CCDC85C: variants seen among roughly 807,000 people sequenced by gnomAD.
CCDC85C encodes coiled-coil domain-containing protein 85C.
A neutral mutation model predicts 38.3 loss-of-function variants in CCDC85C; 18 were observed. The ratio of observed to expected loss-of-function variants is 0.47; its 90% CI spans 0.33 to 0.70. The LOEUF (loss-of-function observed/expected upper bound fraction) is 0.70. Ranked by LOEUF, CCDC85C falls within the 30% of genes least tolerant of loss-of-function variation. The pLI, the probability that CCDC85C is intolerant of heterozygous loss-of-function variation, is 0.03. For synonymous variants in CCDC85C, 264 were observed against 293.8 expected, an observed-to-expected ratio of 0.90 and a Z score of 1.04; for missense variants, 566 against 621.2, an observed-to-expected ratio of 0.91 and a Z score of 0.94.
chr14:99,603,538 T>G lies in CCDC85C; in HGVS notation c.422A>C (p.Asn141Thr). 1 of 1,383,074 alleles carries G rather than the reference T, an allele frequency of 7.2e-7. No individual in the cohort carries two copies. The highest frequency in any genetic ancestry group is 9.3e-7 in the Non-Finnish European group (1 of 1,074,970). The allele number at this position is 1,383,074 out of a possible 1,614,324, so 85.7% of individuals were successfully genotyped here. ...CAGCACCAGCTCCTTGAGCTCCAGG[T>G]TCTCGCGCAGCAGGGCCTCCTGGCG... Reference protein sequence around the residue: ...EARQEALLRENLELKELVLLL... With the variant: ...EARQEALLRETLELKELVLLL... The change falls in exon 1 of 6, where the codon AAC (asparagine) becomes ACC (threonine). Residue 141 changes from asparagine to threonine, a missense_variant. Physicochemically the swap from Asn to Thr is moderately conservative, Grantham distance 65. Transcript: ENST00000380243. The surrounding 1 kb of genome is among the most constrained non-coding windows in gnomAD (Gnocchi z 7.5).
intron 3 of CCDC85C, 150 bp from the exon 4 acceptor site, chr14:99,517,333 T>C: frequency 1.5e-6 from 1 of 646,758 alleles, no homozygotes; most frequent in Non-Finnish European, 2.6e-6. Context: ...GGTGTGAGGA[T>C]GGAGACCCAA....
In CCDC85C at chr14:99,516,207, A is replaced by G; in HGVS notation, c.1151T>C (p.Ile384Thr). The G allele has an allele frequency of 1.9e-6, 3 of 1,551,224 alleles. No individual in the cohort carries two copies. Among genetic ancestry groups the G allele is most frequent in the Non-Finnish European group, 2.6e-6 (3 of 1,146,910 alleles). ...CCTCACGTTGCACATCTCGCGAACGATGGCCTTCTCCTTCTCACTCAGGTC... is the reference window on the plus strand; with the variant it reads ...CCTCACGTTGCACATCTCGCGAACGGTGGCCTTCTCCTTCTCACTCAGGTC... ...EEDLSEKEKA[I>T]VREMCNVVWR... The change falls in exon 5 of 6, where the codon ATC (isoleucine) becomes ACC (threonine). Residue 384 changes from isoleucine (I) to threonine (T), a missense_variant. Ile to Thr is a moderately conservative substitution (Grantham distance 89). Around this residue, in one of 3 missense-constraint regions of CCDC85C, gnomAD observed 286 missense variants for 276.4 expected, o/e 1.03. Transcript: ENST00000380243. This position sits in a 1 kb window ranked among gnomAD's most constrained non-coding sequence, Gnocchi z 5.5.
chr14:99,576,841 C>G lies in CCDC85C; in HGVS notation c.793+26326G>C, dbSNP rs967057614. Among the ~76,000 whole-genome samples the G allele has an allele frequency of 2.0e-5, 3 of 152,116 alleles. No homozygotes were observed. Among genetic ancestry groups the G allele is most frequent in the Non-Finnish European group, 4.4e-5 (3 of 68,014 alleles). ...AAAGCAGAGGCTCAGAGAGGGTAAGCAACATGCCCAAGACAGCACAGCGGG... is the reference window on the plus strand; with the variant it reads ...AAAGCAGAGGCTCAGAGAGGGTAAGGAACATGCCCAAGACAGCACAGCGGG... On this transcript the variant is annotated intron_variant, in intron 1 of 5. Coordinates refer to ENST00000380243, the MANE Select transcript of CCDC85C (RefSeq NM_001144995.2). This position sits in a 1 kb window ranked among gnomAD's most constrained non-coding sequence, Gnocchi z 4.8.
intron 2 of CCDC85C, among the ~76,000 whole-genome samples, chr14:99,530,558 A>G (rs1022512651): frequency 2.6e-5 from 4 of 152,226 alleles, no homozygotes; most frequent in Non-Finnish European, 5.9e-5. Flanking sequence ...TTCAGACAGC[A>G]GCAGATCGAT....
chr14:99,547,128 A>C (rs529875329), intron 1 of CCDC85C, among the ~76,000 whole-genome samples: 1 of 152,304 alleles, frequency 6.6e-6, no homozygotes, highest in Non-Finnish European at 1.5e-5. Flanking sequence ...TCAAAGCCGT[A>C]GTGTGCTATC....
chr14:99,573,681 A>C (rs1357232956), intron 1 of CCDC85C, among the ~76,000 whole-genome samples: 1 of 152,106 alleles, frequency 6.6e-6, no homozygotes, highest in Non-Finnish European at 1.5e-5. Context: ...GGCTCTAAAT[A>C]ACGCCAACCT....
intron 1 of CCDC85C, among the ~76,000 whole-genome samples, chr14:99,567,143 C>CA (rs35864889): frequency 0.58 from 87,787 of 151,932 alleles, 26,021 homozygotes; most frequent in African/African-American, 0.71. Context: ...GAAGCGGTCC[C>CA]TCCCGATTCT....
intron 4 of CCDC85C, 66 bp downstream of exon 4, chr14:99,517,021 AG>A (rs1897236290): frequency 1.4e-6 from 2 of 1,424,878 alleles, no homozygotes; most frequent in Admixed American, 3.9e-5. Flanking sequence ...CTAGGTGCAA[AG>A]GTCCCACAGT....
In CCDC85C at chr14:99,520,095, G is replaced by A. The variant is rs117622103; in HGVS notation, c.975+2038C>T. Among the ~76,000 whole-genome samples, 2 of 152,162 alleles carry A rather than the reference G, an allele frequency of 1.3e-5. No individual in the cohort carries two copies. The highest frequency in any genetic ancestry group is 2.9e-5 in the Non-Finnish European group (2 of 68,000). On this transcript the variant is annotated intron_variant, in intron 3 of 5. Transcript: ENST00000380243. This position sits in a 1 kb window ranked among gnomAD's most constrained non-coding sequence, Gnocchi z 4.1. ...GGAGGGTATGGGCAGCAGTGGGCAG[G>A]GAGGGGGTGTCCACCCCAGAGAGTC... is the stretch of plus-strand genomic sequence containing the variant.
intron 2 of CCDC85C, among the ~76,000 whole-genome samples, chr14:99,525,190 TCAGGG>T (rs1897360336): frequency 6.6e-6 from 1 of 152,176 alleles, no homozygotes. Flanking sequence ...ACTGCCCAAC[TCAGGG>T]CCCAGCGAGG....
chr14:99,541,454 T>C (rs575645366), intron 1 of CCDC85C, among the ~76,000 whole-genome samples: 1 of 152,308 alleles, frequency 6.6e-6, no homozygotes, highest in African/African-American at 2.4e-5. Context: ...TATCTCAGGT[T>C]GGGTGCAGAC....
chr14:99,559,222 G>T (rs28624261), intron 1 of CCDC85C, among the ~76,000 whole-genome samples: 5 of 151,162 alleles, frequency 3.3e-5, no homozygotes, highest in Admixed American at 1.3e-4. Flanking sequence ...GAGTCCCCCC[G>T]AGAGCCTCCA....
chr14:99,559,080 C>T (rs1595085153), intron 1 of CCDC85C, among the ~76,000 whole-genome samples: 2 of 152,192 alleles, frequency 1.3e-5, no homozygotes, highest in East Asian at 1.9e-4. Flanking sequence ...TGAGGCCACC[C>T]CAGAAGCTGA....
intron 1 of CCDC85C, chr14:99,580,181 C>A: frequency 2.2e-6 from 1 of 452,090 alleles, no homozygotes; most frequent in Non-Finnish European, 4.4e-6. Flanking sequence ...GAAGGAGAGG[C>A]TGGGTGGCTC....
rs2055052928 is a variant in CCDC85C, at chr14:99,588,709, T to C, written c.793+14458A>G. ...CGTATAAGCACTTGGAAGGTGGTCC[T>C]GAAGTAAGAAACCAGGCCACTGCAG... On this transcript the variant is annotated intron_variant, in intron 1 of 5. Transcript: ENST00000380243. This position sits in a 1 kb window ranked among gnomAD's most constrained non-coding sequence, Gnocchi z 5.0. Among the ~76,000 whole-genome samples, 1 of 151,686 alleles carries C rather than the reference T, an allele frequency of 6.6e-6. No homozygotes were observed. Among genetic ancestry groups the C allele is most frequent in the Non-Finnish European group, 1.5e-5 (1 of 67,962 alleles).
intron 2 of CCDC85C, among the ~76,000 whole-genome samples, chr14:99,523,845 G>A (rs944257476): frequency 1.3e-5 from 2 of 152,138 alleles, no homozygotes; most frequent in African/African-American, 2.4e-5. Context: ...CCCTGACCAC[G>A]GCATTAACCC....
chr14:99,541,437 G>T (rs960656490), intron 1 of CCDC85C, among the ~76,000 whole-genome samples: 1 of 152,198 alleles, frequency 6.6e-6, no homozygotes, highest in Non-Finnish European at 1.5e-5. Flanking sequence ...GCCTCCCTAT[G>T]ATCTTATATC....
intron 1 of CCDC85C, among the ~76,000 whole-genome samples, chr14:99,582,830 A>T (rs77532303): frequency 0.06 from 9,066 of 152,260 alleles, 394 homozygotes; most frequent in South Asian, 0.15. Context: ...AGAAAAAAAA[A>T]GTTAAGTAAA....
At chr14:99,553,450 C>T (rs1376025195) in intron 1 of CCDC85C, among the ~76,000 whole-genome samples, 3 of 152,160 alleles carry the variant, frequency 2.0e-5, no homozygotes, top group East Asian at 1.9e-4. Context: ...CTGCAACCTC[C>T]GCCTCCTGGG....
Sources: gnomAD v4.1 joint callset for allele counts (sites outside exome capture counted in the v4.1 genomes callset) on GRCh38, gnomAD v4.1.1 for gene constraint, gnomAD v4.1.1 regional missense constraint, Gnocchi (gnomAD v3.1) non-coding constraint, MANE v1.5 for transcripts, NCBI Gene and HGNC (gene_info 2026-07-23, HGNC 2026-07-21) for gene names.